Variants in ENPP6 observed in about 807,000 individuals in gnomAD.
ENPP6 encodes the protein glycerophosphocholine cholinephosphodiesterase ENPP6.
Under a neutral mutation model 42.0 loss-of-function variants are expected in ENPP6, and 32 were observed. The ratio of observed to expected loss-of-function variants is 0.76; its 90% confidence interval spans 0.58 to 1.02. The LOEUF is 1.02. ENPP6 is among the 50% of genes least tolerant of loss of function. The pLI, the probability that ENPP6 is intolerant of heterozygous loss-of-function variation, is 0.00. For missense variants in ENPP6, 552 were observed against 566.8 expected (o/e 0.97, Z 0.27); for synonymous variants, 213 against 216.0 (o/e 0.99, Z 0.12).
chr4:184,212,167 G>A (rs2111125661), intron 1 of ENPP6, among the ~76,000 whole-genome samples: 1 of 151,962 alleles, frequency 6.6e-6, no homozygotes. Flanking sequence ...CATTCCCTTT[G>A]AAAACTGGCA....
intron 1 of ENPP6, among the ~76,000 whole-genome samples, chr4:184,208,528 C>T (rs925755449): frequency 7.2e-5 from 11 of 152,262 alleles, no homozygotes; most frequent in African/African-American, 2.4e-4. Context: ...TGCGCTTTTC[C>T]GACGGGCTTA....
chr4:184,103,275 C>T (rs1736035603), intron 6 of ENPP6, among the ~76,000 whole-genome samples: 1 of 152,234 alleles, frequency 6.6e-6, no homozygotes, highest in African/African-American at 2.4e-5. Context: ...GTATAATTCT[C>T]ATGGGGTGTG....
chr4:184,201,994 G>A (rs886642137), intron 1 of ENPP6, among the ~76,000 whole-genome samples: 2 of 152,164 alleles, frequency 1.3e-5, no homozygotes, highest in South Asian at 2.1e-4. Context: ...TACCAGCTGG[G>A]TAGCAAGCAG....
intron 1 of ENPP6, among the ~76,000 whole-genome samples, chr4:184,180,180 G>T (rs1174319488): frequency 6.6e-6 from 1 of 152,036 alleles, no homozygotes; most frequent in African/African-American, 2.4e-5. Flanking sequence ...AAATTATAAA[G>T]GGGATATCAC....
intron 1 of ENPP6, among the ~76,000 whole-genome samples, chr4:184,183,518 CAT>C (rs10602940): frequency 0.12 from 16,945 of 143,464 alleles, 1,310 homozygotes; most frequent in African/African-American, 0.23. Context: ...CACACACACA[CAT>C]TCACACACAC....
intron 5 of ENPP6, among the ~76,000 whole-genome samples, chr4:184,114,124 C>T (rs975806218): frequency 6.6e-6 from 1 of 152,062 alleles, no homozygotes; most frequent in Non-Finnish European, 1.5e-5. Flanking sequence ...CACTGCTACA[C>T]CCAGCTAATT....
intron 1 of ENPP6, among the ~76,000 whole-genome samples, chr4:184,161,602 C>G (rs2111084385): frequency 6.6e-6 from 1 of 152,186 alleles, no homozygotes; most frequent in African/African-American, 2.4e-5. Context: ...CAGCACAATT[C>G]ATAATTGCAA....
chr4:184,168,791 G>T (rs1436568313), intron 1 of ENPP6, among the ~76,000 whole-genome samples: 1 of 152,212 alleles, frequency 6.6e-6, no homozygotes, highest in Non-Finnish European at 1.5e-5. Context: ...AGCCCGGGCA[G>T]GGCCGGCGGG....
chr4:184,139,394 T>G (rs1485398709), intron 2 of ENPP6, among the ~76,000 whole-genome samples: 1 of 151,210 alleles, frequency 6.6e-6, no homozygotes. Context: ...TTCGGGTACA[T>G]GTGCACATTG....
intron 2 of ENPP6, among the ~76,000 whole-genome samples, chr4:184,149,013 A>G (rs1222989209): frequency 6.6e-6 from 1 of 152,208 alleles, no homozygotes; most frequent in Non-Finnish European, 1.5e-5. Context: ...TTATGCCTTG[A>G]CTAAGGCCTC....
At chr4:184,109,097 G>T (rs1314707230) in intron 6 of ENPP6, among the ~76,000 whole-genome samples, 1 of 152,162 alleles carries the variant, frequency 6.6e-6, no homozygotes, top group Non-Finnish European at 1.5e-5. Flanking sequence ...TGTAATCTCA[G>T]CTACTTGGGA....
At position 184,091,301 on chromosome 4, in the gene ENPP6, G is replaced by A. The variant is rs775018210; in HGVS notation, c.1199C>T (p.Pro400Leu). 10 of 1,613,978 alleles carry A rather than the reference G, an allele frequency of 6.2e-6. No individual in the cohort carries two copies. Among genetic ancestry groups the A allele is most frequent in the African/African-American group, 1.3e-5 (1 of 74,920 alleles). ...NVMCNVVGIT[P>L]LPNNGSWSRV... ...GGACCAGGATCCGTTGTTGGGCAGC[G>A]GGGTGATGCCCACCACATTGCACAT... The change falls in exon 8 of 8, where the codon CCG becomes CTG. Residue 400 changes from proline (P) to leucine (L), a missense_variant. This residue lies in a region of ENPP6 where 545 missense variants were observed against 546.3 expected (regional missense o/e 1.00). Transcript: ENST00000296741.
rs749863026 is a variant in ENPP6, at chr4:184,091,287, C to T, written c.1213G>A (p.Gly405Arg). The change falls in exon 8 of 8, where the codon GGA becomes AGA. Residue 405 changes from glycine to arginine, a missense_variant. Coordinates refer to ENST00000296741, the MANE Select transcript of ENPP6 (RefSeq NM_153343.4). ...VVGITPLPNN[G>R]SWSRVMCMLK... Reference sequence around the variant, plus strand: ...ATGCACATCACCCTGGACCAGGATCCGTTGTTGGGCAGCGGGGTGATGCCC... The same window carrying T: ...ATGCACATCACCCTGGACCAGGATCTGTTGTTGGGCAGCGGGGTGATGCCC... The T allele has an allele frequency of 2.5e-5, 41 of 1,613,830 alleles. No individual in the cohort carries two copies. Among genetic ancestry groups the T allele is most frequent in the African/African-American group, 4.0e-5 (3 of 74,912 alleles).
intron 2 of ENPP6, among the ~76,000 whole-genome samples, chr4:184,153,166 C>T (rs1418115772): frequency 6.8e-6 from 1 of 148,032 alleles, no homozygotes; most frequent in African/African-American, 2.5e-5. Flanking sequence ...GCTCTTGTTG[C>T]CCAGACTGGA....
chr4:184,103,999 T>G (rs939738441), intron 6 of ENPP6, among the ~76,000 whole-genome samples: 1 of 148,694 alleles, frequency 6.7e-6, no homozygotes, highest in Non-Finnish European at 1.5e-5. Context: ...GGATGGGGTT[T>G]CTTTCTTCTT....
At chr4:184,110,716 TG>T (rs1736183427) in intron 6 of ENPP6, among the ~76,000 whole-genome samples, 1 of 152,224 alleles carries the variant, frequency 6.6e-6, no homozygotes, top group Admixed American at 6.5e-5. Flanking sequence ...AGAGCTTGCT[TG>T]GGGCATGATA....
intron 2 of ENPP6, among the ~76,000 whole-genome samples, chr4:184,136,421 C>T (rs1362723974): frequency 1.3e-5 from 2 of 152,148 alleles, no homozygotes; most frequent in Admixed American, 6.5e-5. Context: ...ACACACTCAG[C>T]CTTTCTATTA....
chr4:184,113,613 C>T (rs74487912), intron 5 of ENPP6, among the ~76,000 whole-genome samples: 1 of 152,164 alleles, frequency 6.6e-6, no homozygotes, highest in African/African-American at 2.4e-5. Context: ...AGAAATTGGT[C>T]TACCTGATAT....
chr4:184,180,874 C>A (rs956188673), intron 1 of ENPP6, among the ~76,000 whole-genome samples: 1 of 152,168 alleles, frequency 6.6e-6, no homozygotes, highest in African/African-American at 2.4e-5. Context: ...ATAATAAGAG[C>A]CATTTATGAC....
Sources: allele counts gnomAD v4.1 joint callset (sites outside exome capture counted in the v4.1 genomes callset), GRCh38; gene constraint gnomAD v4.1.1; regional missense constraint gnomAD v4.1.1; transcripts MANE v1.5; gene names NCBI Gene and HGNC (gene_info 2026-07-23, HGNC 2026-07-21).